Variants in SYNDIG1 observed in about 807,000 individuals in gnomAD.
SYNDIG1 encodes synapse differentiation inducing 1, also known as synapse differentiation-inducing gene protein 1.
A neutral mutation model predicts 19.4 loss-of-function variants in SYNDIG1; 9 were observed. The observed-to-expected ratio is 0.46, with a 90% CI of 0.28 to 0.81. SYNDIG1 has a LOEUF of 0.81. Among genes scored for constraint, SYNDIG1 ranks in the 30% least tolerant of loss-of-function variants. The probability of loss-of-function intolerance (pLI) is 0.12; values close to 1 mark genes in which losing one functional copy is unlikely to be tolerated. For synonymous variants in SYNDIG1, 141 were observed against 145.9 expected (o/e 0.97, Z 0.24); for missense variants, 311 against 343.3 (o/e 0.91, Z 0.74).
intron 1 of SYNDIG1, among the ~76,000 whole-genome samples, chr20:24,478,601 C>G (rs907141131): frequency 2.4e-4 from 37 of 152,210 alleles, no homozygotes; most frequent in Non-Finnish European, 1.5e-5. Context: ...AATGACAGAC[C>G]CCATGCACCG....
chr20:24,556,715 G>A (rs35191387), intron 2 of SYNDIG1, among the ~76,000 whole-genome samples: 2 of 151,990 alleles, frequency 1.3e-5, no homozygotes, highest in African/African-American at 4.8e-5. Flanking sequence ...GTAACCCGAC[G>A]TTTCTCTCTA....
intron 1 of SYNDIG1, among the ~76,000 whole-genome samples, chr20:24,488,879 A>G (rs2056049037): frequency 6.6e-6 from 1 of 152,158 alleles, no homozygotes; most frequent in Admixed American, 6.5e-5. Flanking sequence ...CTCGGAGGAA[A>G]GGGACACGCC....
intron 2 of SYNDIG1, among the ~76,000 whole-genome samples, chr20:24,582,044 C>T (rs1273536952): frequency 6.5e-5 from 9 of 138,432 alleles, no homozygotes; most frequent in African/African-American, 1.4e-4. Context: ...ACATCCTCTC[C>T]GCTGCATGGC....
chr20:24,614,778 G>T (rs6049814), intron 3 of SYNDIG1, among the ~76,000 whole-genome samples: 174 of 152,284 alleles, frequency 1.1e-3, no homozygotes, highest in African/African-American at 4.0e-3. Flanking sequence ...TTGTCAAGCA[G>T]AAGTCCTGCT....
intron 3 of SYNDIG1, among the ~76,000 whole-genome samples, chr20:24,621,933 C>T (rs905359599): frequency 1.8e-4 from 28 of 152,324 alleles, no homozygotes; most frequent in African/African-American, 6.5e-4. Context: ...AACATCAATT[C>T]TCACTTGAAA....
chr20:24,615,954 A>G (rs1326804381), intron 3 of SYNDIG1, among the ~76,000 whole-genome samples: 2 of 152,046 alleles, frequency 1.3e-5, no homozygotes, highest in African/African-American at 4.8e-5. Context: ...TCTACCTGAA[A>G]TTTAGCACTT....
chr20:24,634,514 CTG>C (rs1301343753), intron 3 of SYNDIG1, among the ~76,000 whole-genome samples: 1 of 152,168 alleles, frequency 6.6e-6, no homozygotes, highest in African/African-American at 2.4e-5. Flanking sequence ...ATGTGAATGC[CTG>C]TCTTTCCCAC....
chr20:24,618,565 G>GA (rs910504023), intron 3 of SYNDIG1, among the ~76,000 whole-genome samples: 6 of 152,062 alleles, frequency 3.9e-5, no homozygotes, highest in African/African-American at 9.7e-5. Flanking sequence ...ATACTCCGAG[G>GA]AAAAAAAGAC....
chr20:24,559,652 A>G (rs1446114440), intron 2 of SYNDIG1, among the ~76,000 whole-genome samples: 1 of 152,164 alleles, frequency 6.6e-6, no homozygotes, highest in African/African-American at 2.4e-5. Flanking sequence ...GTTTCTTGTA[A>G]GACAGGTCTG....
intron 1 of SYNDIG1, among the ~76,000 whole-genome samples, chr20:24,514,667 T>A (rs1000251945): frequency 1.3e-5 from 2 of 152,120 alleles, no homozygotes; most frequent in African/African-American, 2.4e-5. Context: ...CTCCCATGCA[T>A]TAATAATGGG....
chr20:24,607,199 A>C (rs1025259955), intron 3 of SYNDIG1, among the ~76,000 whole-genome samples: 1 of 151,948 alleles, frequency 6.6e-6, no homozygotes, highest in African/African-American at 2.4e-5. Flanking sequence ...ATCTCTACTA[A>C]AAATATAAAA....
intron 2 of SYNDIG1, among the ~76,000 whole-genome samples, chr20:24,565,387 G>C (rs184439101): frequency 1.3e-5 from 2 of 152,172 alleles, no homozygotes; most frequent in Admixed American, 1.3e-4. Context: ...TCATTCAGCC[G>C]AGATAACAGT....
In SYNDIG1 at chr20:24,500,526, CTTTCTTCT is replaced by C. The variant is rs745947135; in HGVS notation, c.-79+30776_-79+30783del. On this transcript the variant is annotated intron_variant, in intron 1 of 3. Transcript: ENST00000376862. ...TCTTTCTTTCTTTCTTTCTTTCTTT[CTTTCTTCT>C]TTCTTTCTTTCTTTCTTTTTTCTTT... 7.1e-4 allele frequency among the ~76,000 whole-genome samples: 96 copies of C among 135,812 alleles called. 1 individual carries two copies. The South Asian group carries it at 0.01, about 15-fold the overall frequency. 89.1% of individuals were successfully genotyped at this position (135,812 alleles called of 152,430 possible).
chr20:24,611,528 C>T (rs1287371073), intron 3 of SYNDIG1, among the ~76,000 whole-genome samples: 4 of 152,122 alleles, frequency 2.6e-5, no homozygotes, highest in Non-Finnish European at 5.9e-5. Flanking sequence ...GACCATCCTC[C>T]CCACGGGGTC....
At chr20:24,657,449 C>T (rs763612573) in intron 3 of SYNDIG1, among the ~76,000 whole-genome samples, 2 of 152,180 alleles carry the variant, frequency 1.3e-5, no homozygotes, top group East Asian at 1.9e-4. Context: ...AGCACCCAGG[C>T]GGTGACCTAG....
intron 3 of SYNDIG1, among the ~76,000 whole-genome samples, chr20:24,659,698 G>A (rs2059564832): frequency 6.6e-6 from 1 of 152,226 alleles, no homozygotes; most frequent in East Asian, 1.9e-4. Flanking sequence ...CCTGGAGAGG[G>A]AGCCGGGCAA....
chr20:24,586,511 A>C (rs1029429669), intron 3 of SYNDIG1, among the ~76,000 whole-genome samples: 1 of 152,206 alleles, frequency 6.6e-6, no homozygotes, highest in African/African-American at 2.4e-5. Context: ...GCACAGGCCC[A>C]TGGTGGGCAG....
At chr20:24,566,835 G>A (rs554775094) in intron 2 of SYNDIG1, among the ~76,000 whole-genome samples, 1 of 152,314 alleles carries the variant, frequency 6.6e-6, no homozygotes, top group South Asian at 2.1e-4. Flanking sequence ...GGTTGGGGCG[G>A]GACTGAGAGT....
chr20:24,595,933 G>T (rs558390738), intron 3 of SYNDIG1, among the ~76,000 whole-genome samples: 1 of 152,140 alleles, frequency 6.6e-6, no homozygotes, highest in South Asian at 2.1e-4. Flanking sequence ...TCTCTTGTAT[G>T]GTTTTTCACT....
Sources: allele counts gnomAD v4.1 joint callset (sites outside exome capture counted in the v4.1 genomes callset), GRCh38; gene constraint gnomAD v4.1.1; transcripts MANE v1.5; gene names NCBI Gene and HGNC (gene_info 2026-07-23, HGNC 2026-07-21).